The following GLS variants were observed in gnomAD, a reference collection of about 807,000 sequenced individuals.
GLS encodes the protein glutaminase, also known as glutaminase kidney isoform, mitochondrial.
In GLS, 36 loss-of-function variants were observed where a neutral mutation model predicts 86.7. The ratio of observed to expected loss-of-function variants is 0.42; its 90% confidence interval spans 0.32 to 0.55. The LOEUF is 0.55. GLS is among the 20% of genes least tolerant of loss of function. The pLI, the probability that GLS is intolerant of heterozygous loss-of-function variation, is 0.17. For missense variants in GLS, 528 were observed against 833.4 expected (o/e 0.63, Z 4.51); for synonymous variants, 317 against 305.9 (o/e 1.04, Z -0.38).
rs1448874859 is a variant in GLS, at chr2:190,905,216, T to C, written c.979+49T>C. The stretch of plus-strand genomic sequence containing the variant: ...TGAAAAAAGAAATGTCTCATTTTCC[T>C]ATGTAAATCTAAGTCGTTTTAAACA... On this transcript the variant is annotated intron_variant, in intron 6 of 17. Coordinates refer to ENST00000320717, the MANE Select transcript of GLS (RefSeq NM_014905.5). This position sits in a 1 kb window ranked among gnomAD's most constrained non-coding sequence, Gnocchi z 4.6. 2.7e-6 allele frequency: 3 copies of C among 1,123,670 alleles called. No individual in the cohort carries two copies. The African/African-American group carries it at 4.7e-5, about 18-fold the overall frequency. 69.6% of individuals were successfully genotyped at this position (1,123,670 alleles called of 1,614,324 possible).
chr2:190,893,065 A>G (rs1038238193), intron 1 of GLS, among the ~76,000 whole-genome samples: 1 of 152,212 alleles, frequency 6.6e-6, no homozygotes, highest in Non-Finnish European at 1.5e-5. Flanking sequence ...AACTACCACT[A>G]TCTGAAGTTT....
intron 17 of GLS, among the ~76,000 whole-genome samples, chr2:190,960,406 C>G (rs1473611209): frequency 2.2e-5 from 3 of 137,962 alleles, no homozygotes; most frequent in Non-Finnish European, 4.6e-5. Context: ...CCTTGCCACT[C>G]AGGCTGAAGT....
chr2:190,881,512 G>A (rs1366360699), intron 1 of GLS, 42 bp downstream of exon 1: 1 of 1,519,640 alleles, frequency 6.6e-7, no homozygotes, highest in Non-Finnish European at 8.9e-7. Flanking sequence ...GTTCCTTTCG[G>A]GGCCCGGGCT....
intron 17 of GLS, among the ~76,000 whole-genome samples, chr2:190,960,539 A>ATTTATGT (rs1553489729): frequency 6.7e-6 from 1 of 148,908 alleles, no homozygotes; most frequent in Admixed American, 6.7e-5. Flanking sequence ...TAATTTATTT[A>ATTTATGT]TTTATTTTTT....
chr2:190,957,294 G>C (rs1252582419), intron 17 of GLS, among the ~76,000 whole-genome samples: 8 of 152,156 alleles, frequency 5.3e-5, no homozygotes, highest in Admixed American at 5.2e-4. Flanking sequence ...GTTTCACCAT[G>C]TTGGCCAGGC....
intron 14 of GLS, among the ~76,000 whole-genome samples, chr2:190,948,679 G>C (rs1178970664): frequency 6.6e-6 from 1 of 152,184 alleles, no homozygotes; most frequent in Admixed American, 6.5e-5. Context: ...TCTTAGTGGT[G>C]GGGGAAGTAA....
Position 190,881,232 on chromosome 2 carries a change from G to T in GLS, c.148G>T (p.Ala50Ser), listed in dbSNP as rs1227331425. Residue 50 changes from alanine (A) to serine (S), a missense_variant, in exon 1 of 18, where the codon GCC (alanine) becomes TCC (serine). By Grantham distance (99) the Ala-to-Ser change is moderately conservative (BLOSUM62 1). This residue lies in a region of GLS where 224 missense variants were observed against 187.9 expected (regional missense o/e 1.19). Coordinates refer to ENST00000320717, the MANE Select transcript of GLS (RefSeq NM_014905.5). ...GGGACGGCCGGCCGCGGGCCCGGCT[G>T]CCGCCGCGCGACTCCACCCGTGGTG... ...GGGRPAAGPA[A>S]AARLHPWWGG... The T allele has an allele frequency of 4.8e-5, 60 of 1,247,750 alleles. No individual in the cohort carries two copies. Among genetic ancestry groups the T allele is most frequent in the Non-Finnish European group, 3.8e-5 (38 of 999,376 alleles). 77.3% of individuals were successfully genotyped at this position (1,247,750 alleles called of 1,614,324 possible).
chr2:190,931,247 T>C (rs1315442116), intron 13 of GLS, among the ~76,000 whole-genome samples: 1 of 152,182 alleles, frequency 6.6e-6, no homozygotes, highest in East Asian at 1.9e-4. Context: ...TTAATGTGGC[T>C]TTACACTTAT....
At chr2:190,883,027 G>C (rs182906184) in intron 1 of GLS, among the ~76,000 whole-genome samples, 6 of 152,318 alleles carry the variant, frequency 3.9e-5, no homozygotes, top group Non-Finnish European at 8.8e-5. Context: ...AAGGCTACAA[G>C]ATGGGAACTG....
chr2:190,932,829 A>G (rs1300910114), intron 14 of GLS: 1 of 1,577,274 alleles, frequency 6.3e-7, no homozygotes, highest in Non-Finnish European at 8.6e-7. Context: ...CAACTGTAGT[A>G]TATAGAATGG....
chr2:190,936,070 T>A (rs1197695261), intron 14 of GLS, among the ~76,000 whole-genome samples: 2 of 151,246 alleles, frequency 1.3e-5, no homozygotes. Flanking sequence ...GTGGGATTTT[T>A]AAATGAAGTT....
intron 7 of GLS, among the ~76,000 whole-genome samples, chr2:190,916,180 GA>G (rs1689525608): frequency 6.6e-6 from 1 of 151,972 alleles, no homozygotes; most frequent in Non-Finnish European, 1.5e-5. Context: ...TACTCAAAAG[GA>G]AAATCTTACA....
chr2:190,958,912 A>G, intron 17 of GLS, among the ~76,000 whole-genome samples: 1 of 152,054 alleles, frequency 6.6e-6, no homozygotes, highest in East Asian at 1.9e-4. Flanking sequence ...TGGGGTGGAG[A>G]GTTCTGTAGA....
intron 14 of GLS, among the ~76,000 whole-genome samples, chr2:190,940,038 A>C (rs1053338844): frequency 4.6e-5 from 7 of 151,830 alleles, no homozygotes; most frequent in Non-Finnish European, 8.9e-5. Context: ...TCACTTCCAA[A>C]TCTTTTGATG....
rs1395030379 is a variant in GLS at position 190,953,956 on chromosome 2, G to A, written c.1712+330G>A. On this transcript the variant is annotated intron_variant, in intron 15 of 17. Transcript: ENST00000320717. This position sits in a 1 kb window ranked among gnomAD's most constrained non-coding sequence, Gnocchi z 4.0. ...TCCATTCCCAATCTTTGATATGTGTGTGTGTGTGTGTGTGTGTGTGTGTGT... is the reference window on the plus strand; with the variant it reads ...TCCATTCCCAATCTTTGATATGTGTATGTGTGTGTGTGTGTGTGTGTGTGT... Among the ~76,000 whole-genome samples, 3 of 67,164 alleles carry A rather than the reference G, an allele frequency of 4.5e-5. No homozygotes were observed. Among genetic ancestry groups the A allele is most frequent in the South Asian group, 4.1e-4 (1 of 2,458 alleles). 44.1% of individuals were successfully genotyped at this position (67,164 alleles called of 152,430 possible).
intron 1 of GLS, 77 bp downstream of exon 1, chr2:190,881,547 G>T: frequency 1.5e-6 from 2 of 1,321,726 alleles, no homozygotes; most frequent in East Asian, 2.9e-5. Flanking sequence ...CCCTGCGGTG[G>T]GGCGGGATAG....
At chr2:190,933,317 A>G in intron 14 of GLS, 4 of 919,004 alleles carry the variant, frequency 4.4e-6, no homozygotes, top group South Asian at 5.0e-5. Context: ...TGCTAAATAC[A>G]AAACTAAAAA....
rs1259397323 is a variant in GLS, at chr2:190,881,017, C to A, written c.-68C>A. On this transcript the variant is annotated 5_prime_UTR_variant, in exon 1 of 18. Transcript: ENST00000320717. ...CCGCCCCACCACAGACCGCGTTCCCCGAGGAAACCGGCCGCCCACGCCCGG... is the reference window on the plus strand; with the variant it reads ...CCGCCCCACCACAGACCGCGTTCCCAGAGGAAACCGGCCGCCCACGCCCGG... 2 of 1,496,140 alleles carry A rather than the reference C, an allele frequency of 1.3e-6. No homozygotes were observed. Among genetic ancestry groups the A allele is most frequent in the East Asian group, 2.6e-5 (1 of 38,406 alleles). The allele number at this position is 1,496,140 out of a possible 1,614,324, so 92.7% of individuals were successfully genotyped here. A position where few individuals can be genotyped will look rare whatever the true frequency, so the allele number is the denominator to read the frequency against.
rs763241079 is a variant in GLS at position 190,881,158 on chromosome 2, T to G, written c.74T>G (p.Leu25Arg). ...TCGCCCGCCGGCGTGAGCGCGACTC[T>G]GCGGCGGGCACAGCCCTTGGTCACC... ...LRSPAGVSATLRRAQPLVTLC... is the reference protein window; with the variant it reads ...LRSPAGVSATRRRAQPLVTLC... The change falls in exon 1 of 18, where the codon CTG becomes CGG. Residue 25 changes from leucine to arginine, a missense_variant. This residue lies in a region of GLS where 224 missense variants were observed against 187.9 expected (regional missense o/e 1.19). Transcript: ENST00000320717. The G allele has an allele frequency of 8.7e-5, 134 of 1,546,144 alleles. No homozygotes were observed. Among genetic ancestry groups the G allele is most frequent in the Admixed American group, 4.7e-4 (25 of 53,056 alleles).
Sources: gnomAD v4.1 joint callset for allele counts (sites outside exome capture counted in the v4.1 genomes callset) on GRCh38, gnomAD v4.1.1 for gene constraint, gnomAD v4.1.1 regional missense constraint, Gnocchi (gnomAD v3.1) non-coding constraint, MANE v1.5 for transcripts, NCBI Gene and HGNC (gene_info 2026-07-23, HGNC 2026-07-21) for gene names.